MRPS12: variants seen among roughly 807,000 people sequenced by gnomAD.
MRPS12 encodes mitochondrial ribosomal protein S12, also known as small ribosomal subunit protein uS12m.
Under a neutral mutation model 8.4 loss-of-function variants are expected in MRPS12, and 7 were observed. That is an observed-to-expected ratio of 0.83 (90% CI 0.47 to 1.56). The LOEUF (loss-of-function observed/expected upper bound fraction) is 1.56, where lower values mean the gene tolerates loss of function less well. Ranked by LOEUF, MRPS12 falls within the 40% of genes most tolerant of loss-of-function variation. MRPS12 has a pLI of 0.01. For synonymous variants in MRPS12, 84 were observed against 84.1 expected, an observed-to-expected ratio of 1.00 and a Z score of 0.01; for missense variants, 200 against 194.1, an observed-to-expected ratio of 1.03 and a Z score of -0.18.
At position 38,932,355 on chromosome 19, in the gene MRPS12, C is replaced by T. The variant is rs1974770122; in HGVS notation, c.72C>T (p.Leu24=). 1.3e-6 allele frequency: 2 copies of T among 1,547,808 alleles called. No homozygotes were observed. Among genetic ancestry groups the T allele is most frequent in the East Asian group, 2.3e-5 (1 of 44,056 alleles). ...LTCGPALVPR[L]WATCSMATLN... The stretch of plus-strand genomic sequence containing the variant: ...CAGGCCCAGCTCTGGTTCCCCGGCT[C>T]TGGGCTACCTGCTCCATGGCTACCC... Residue 24 remains leucine (L), a synonymous_variant, in exon 3 of 3, where the codon CTC becomes CTT. Coordinates refer to ENST00000308018, the MANE Select transcript of MRPS12 (RefSeq NM_033362.4).
chr19:38,932,620 G>A lies in MRPS12; in HGVS notation c.337G>A (p.Gly113Ser), dbSNP rs1322391300. The change falls in exon 3 of 3, where the codon GGC becomes AGC. Residue 113 changes from glycine (G) to serine (S), a missense_variant. Coordinates refer to ENST00000308018, the MANE Select transcript of MRPS12 (RefSeq NM_033362.4). ...QEHQIVLVEG[G>S]RTQDLPGVKL... ...GCACCAGATTGTCCTTGTGGAGGGC[G>A]GCCGCACCCAGGACCTGCCAGGCGT... The A allele has an allele frequency of 3.7e-6, 6 of 1,613,562 alleles. No homozygotes were observed. Among genetic ancestry groups the A allele is most frequent in the East Asian group, 2.2e-5 (1 of 44,892 alleles).
rs755000956 is a variant in MRPS12 at position 38,932,334 on chromosome 19, C to T, written c.51C>T (p.Gly17=). ...LHGLNTSLTC[G]PALVPRLWAT... Reference sequence around the variant, plus strand: ...ATAACCCCTTTCGGCCCTCTCCAGGCCCAGCTCTGGTTCCCCGGCTCTGGG... The same window carrying T: ...ATAACCCCTTTCGGCCCTCTCCAGGTCCAGCTCTGGTTCCCCGGCTCTGGG... Residue 17 remains glycine, a splice_region_variant and synonymous_variant, in exon 3 of 3, where the codon GGC becomes GGT. Transcript: ENST00000308018. 7 of 1,527,210 alleles carry T rather than the reference C, an allele frequency of 4.6e-6. No homozygotes were observed. The highest frequency in any genetic ancestry group is 6.2e-6 in the Non-Finnish European group (7 of 1,136,730). 94.6% of individuals were successfully genotyped at this position (1,527,210 alleles called of 1,614,324 possible).
chr19:38,931,014 G>T lies in MRPS12; in HGVS notation c.-20+16G>T. 1 of 595,244 alleles carries T rather than the reference G, an allele frequency of 1.7e-6. No homozygotes were observed. 36.9% of individuals were successfully genotyped at this position (595,244 alleles called of 1,614,324 possible). On this transcript the variant is annotated intron_variant, in intron 1 of 2. Transcript: ENST00000308018. ...GTCCTGTGAGGTCGGTGGAATCCTG[G>T]GGTCCTCCAAATCTACCAGGCCATC...
In MRPS12 at chr19:38,932,531, T is replaced by C. The variant is rs775835776; in HGVS notation, c.248T>C (p.Val83Ala). The change falls in exon 3 of 3, where the codon GTG (valine) becomes GCG (alanine). Residue 83 changes from valine to alanine, a missense_variant. Physicochemically the swap from Val to Ala is moderately conservative, Grantham distance 64 (BLOSUM62 0). Coordinates refer to ENST00000308018, the MANE Select transcript of MRPS12 (RefSeq NM_033362.4). ...PNSANRKCCR[V>A]RLSTGREAVC... ...TCAGCCAATCGCAAGTGCTGTCGAG[T>C]GCGGCTCAGCACTGGCCGCGAGGCC... 3.1e-6 allele frequency: 5 copies of C among 1,612,894 alleles called. 1 individual carries two copies. Among genetic ancestry groups the C allele is most frequent in the Middle Eastern group, 3.3e-4 (2 of 6,060 alleles).
intron 2 of MRPS12, 63 bp downstream of exon 2, chr19:38,931,406 T>C: frequency 6.9e-7 from 1 of 1,448,886 alleles, no homozygotes; most frequent in South Asian, 1.4e-5. Context: ...GCTCTTGGAC[T>C]TGTGTGCCTC....
At chr19:38,931,162 A>T (rs1974740502) in intron 1 of MRPS12, 114 bp from the exon 2 acceptor site, 3 of 825,196 alleles carry the variant, frequency 3.6e-6, no homozygotes, top group East Asian at 5.0e-5. Context: ...CTGTGGTTAG[A>T]CCTATAGAGG....
Position 38,932,789 on chromosome 19 carries a change from C to T in MRPS12, c.*89C>T, listed in dbSNP as rs891450167. On this transcript the variant is annotated 3_prime_UTR_variant, in exon 3 of 3. Coordinates refer to ENST00000308018, the MANE Select transcript of MRPS12 (RefSeq NM_033362.4). The stretch of plus-strand genomic sequence containing the variant: ...CAGGGTCCTCCGATGCTGGCCTTTG[C>T]GCCTCTAGAGGCAGCCACTCATGGA... 32 of 1,522,292 alleles carry T rather than the reference C, an allele frequency of 2.1e-5. No homozygotes were observed. The highest frequency in any genetic ancestry group is 4.1e-5 in the African/African-American group (3 of 73,100). 94.3% of individuals were successfully genotyped at this position (1,522,292 alleles called of 1,614,324 possible).
chr19:38,933,077 TCA>T lies in MRPS12; in HGVS notation c.*378_*379del, dbSNP rs1176051037. 1 of 193,922 alleles carries T rather than the reference TCA, an allele frequency of 5.2e-6. No individual in the cohort carries two copies. The highest frequency in any genetic ancestry group is 1.1e-5 in the Non-Finnish European group (1 of 93,690). The allele number at this position is 193,922 out of a possible 1,614,324, so 12.0% of individuals were successfully genotyped here. On this transcript the variant is annotated 3_prime_UTR_variant, in exon 3 of 3. Coordinates refer to ENST00000308018, the MANE Select transcript of MRPS12 (RefSeq NM_033362.4). ...CTGTGGCAGTGGACATCTCTGAGCT[TCA>T]GTTTCCTCCAGAAAATAGCTCCATT...
At chr19:38,931,368 G>A in intron 2 of MRPS12, 25 bp downstream of exon 2, 1 of 1,572,820 alleles carries the variant, frequency 6.4e-7, no homozygotes. Context: ...TGGGCTTCAG[G>A]GACGAGGCTA....
rs1385821833 is a variant in MRPS12, at chr19:38,933,007, G to A, written c.*307G>A. 4 of 322,450 alleles carry A rather than the reference G, an allele frequency of 1.2e-5. No homozygotes were observed. Among genetic ancestry groups the A allele is most frequent in the South Asian group, 4.7e-5 (1 of 21,388 alleles). The allele number at this position is 322,450 out of a possible 1,614,324, so 20.0% of individuals were successfully genotyped here. A position where few individuals can be genotyped will look rare whatever the true frequency, so the allele number is the denominator to read the frequency against. On this transcript the variant is annotated 3_prime_UTR_variant, in exon 3 of 3. Coordinates refer to ENST00000308018, the MANE Select transcript of MRPS12 (RefSeq NM_033362.4). ...GGGGTTTTAATAAACAGACCCTGGC[G>A]CTTGTGATGTAAATCCCCTTGTGGA... is the stretch of plus-strand genomic sequence containing the variant.
chr19:38,932,516 G>C lies in MRPS12; in HGVS notation c.233G>C (p.Arg78Pro). 1.9e-6 allele frequency: 3 copies of C among 1,612,970 alleles called. No homozygotes were observed. Among genetic ancestry groups the C allele is most frequent in the Non-Finnish European group, 2.5e-6 (3 of 1,179,258 alleles). ...RKPKKPNSANRKCCRVRLSTG... is the reference protein window; with the variant it reads ...RKPKKPNSANPKCCRVRLSTG... ...CCGAAGAAGCCCAACTCAGCCAATC[G>C]CAAGTGCTGTCGAGTGCGGCTCAGC... Residue 78 changes from arginine to proline, a missense_variant, in exon 3 of 3, where the codon CGC becomes CCC. Physicochemically the swap from Arg to Pro is moderately radical, Grantham distance 103 (BLOSUM62 -2). Transcript: ENST00000308018.
At chr19:38,931,545 G>A (rs61144356) in intron 2 of MRPS12, 2 of 436,806 alleles carry the variant, frequency 4.6e-6, no homozygotes, top group Non-Finnish European at 8.1e-6. Flanking sequence ...GTTTGGGTCA[G>A]TTTTATTATT....
chr19:38,932,797 G>C lies in MRPS12; in HGVS notation c.*97G>C. The C allele has an allele frequency of 1.3e-6, 2 of 1,494,158 alleles. No individual in the cohort carries two copies. Among genetic ancestry groups the C allele is most frequent in the South Asian group, 2.5e-5 (2 of 78,560 alleles). 92.6% of individuals were successfully genotyped at this position (1,494,158 alleles called of 1,614,324 possible). On this transcript the variant is annotated 3_prime_UTR_variant, in exon 3 of 3. Transcript: ENST00000308018. ...TCCGATGCTGGCCTTTGCGCCTCTA[G>C]AGGCAGCCACTCATGGATTCAAGTC...
rs887444814 is a variant in MRPS12 at position 38,930,973 on chromosome 19, G to A, written c.-45G>A. The A allele has an allele frequency of 2.9e-5, 18 of 611,734 alleles. No homozygotes were observed. Among genetic ancestry groups the A allele is most frequent in the South Asian group, 5.8e-5 (3 of 51,472 alleles). 37.9% of individuals were successfully genotyped at this position (611,734 alleles called of 1,614,324 possible). A position where few individuals can be genotyped will look rare whatever the true frequency, so the allele number is the denominator to read the frequency against. Reference sequence around the variant, plus strand: ...GCTAGAAGCTGGATTCAGCGTGTCCGCGACCTCACCTTTAGGTCCTGTGAG... The same window carrying A: ...GCTAGAAGCTGGATTCAGCGTGTCCACGACCTCACCTTTAGGTCCTGTGAG... On this transcript the variant is annotated 5_prime_UTR_variant, in exon 1 of 3. Transcript: ENST00000308018.
rs761146514 is a variant in MRPS12, at chr19:38,932,423, G to A, written c.140G>A (p.Arg47Gln). Residue 47 changes from arginine to glutamine, a missense_variant, in exon 3 of 3, where the codon CGG becomes CAG. Coordinates refer to ENST00000308018, the MANE Select transcript of MRPS12 (RefSeq NM_033362.4). Reference protein sequence around the residue: ...HRLGPPKRPPRKLGPTEGRPQ... With the variant: ...HRLGPPKRPPQKLGPTEGRPQ... Reference sequence around the variant, plus strand: ...CTGGGGCCCCCCAAGCGGCCGCCTCGGAAGCTGGGCCCCACGGAAGGCCGG... The same window carrying A: ...CTGGGGCCCCCCAAGCGGCCGCCTCAGAAGCTGGGCCCCACGGAAGGCCGG... 9 of 1,610,286 alleles carry A rather than the reference G, an allele frequency of 5.6e-6. No individual in the cohort carries two copies. Among genetic ancestry groups the A allele is most frequent in the South Asian group, 1.1e-5 (1 of 90,976 alleles).
In MRPS12 at chr19:38,932,813, G is replaced by C; in HGVS notation, c.*113G>C. 1 of 1,427,462 alleles carries C rather than the reference G, an allele frequency of 7.0e-7. No homozygotes were observed. The allele number at this position is 1,427,462 out of a possible 1,614,324, so 88.4% of individuals were successfully genotyped here. A position where few individuals can be genotyped will look rare whatever the true frequency, so the allele number is the denominator to read the frequency against. Reference sequence around the variant, plus strand: ...GCGCCTCTAGAGGCAGCCACTCATGGATTCAAGTCCTGGCTCCGCCTCTTC... The same window carrying C: ...GCGCCTCTAGAGGCAGCCACTCATGCATTCAAGTCCTGGCTCCGCCTCTTC... On this transcript the variant is annotated 3_prime_UTR_variant, in exon 3 of 3. Coordinates refer to ENST00000308018, the MANE Select transcript of MRPS12 (RefSeq NM_033362.4).
chr19:38,932,411 A>T lies in MRPS12; in HGVS notation c.128A>T (p.Lys43Met). 1 of 1,607,946 alleles carries T rather than the reference A, an allele frequency of 6.2e-7. No homozygotes were observed. The highest frequency in any genetic ancestry group is 8.5e-7 in the Non-Finnish European group (1 of 1,176,274). Reference sequence around the variant, plus strand: ...CAGATGCACCGCCTGGGGCCCCCCAAGCGGCCGCCTCGGAAGCTGGGCCCC... The same window carrying T: ...CAGATGCACCGCCTGGGGCCCCCCATGCGGCCGCCTCGGAAGCTGGGCCCC... ...LNQMHRLGPPKRPPRKLGPTE... is the reference protein window; with the variant it reads ...LNQMHRLGPPMRPPRKLGPTE... Residue 43 changes from lysine to methionine, a missense_variant, in exon 3 of 3, where the codon AAG becomes ATG. By Grantham distance (95) the Lys-to-Met change is moderately conservative. Coordinates refer to ENST00000308018, the MANE Select transcript of MRPS12 (RefSeq NM_033362.4).
Position 38,932,487 on chromosome 19 carries a change from C to G in MRPS12, c.204C>G (p.Arg68=), listed in dbSNP as rs1482222101. ...LKGVVLCTFT[R]KPKKPNSANR... ...GTGTGGTCCTGTGCACGTTTACCCG[C>G]AAGCCGAAGAAGCCCAACTCAGCCA... Residue 68 remains arginine, a synonymous_variant, in exon 3 of 3, where the codon CGC becomes CGG. Transcript: ENST00000308018. 6.2e-7 allele frequency: 1 copy of G among 1,613,200 alleles called. No individual in the cohort carries two copies. The highest frequency in any genetic ancestry group is 1.1e-5 in the South Asian group (1 of 91,064).
rs1430933120 is a variant in MRPS12 at position 38,931,353 on chromosome 19, G to C, written c.49+10G>C. 1.9e-6 allele frequency: 3 copies of C among 1,585,222 alleles called. No individual in the cohort carries two copies. Among genetic ancestry groups the C allele is most frequent in the Non-Finnish European group, 2.6e-6 (3 of 1,166,226 alleles). On this transcript the variant is annotated intron_variant, in intron 2 of 2. Transcript: ENST00000308018. ...ACGTCCCTAACTTGTGGTAAGTGGG[G>C]GACTTGGGCTTCAGGGACGAGGCTA...
Sources: gnomAD v4.1 joint callset for allele counts on GRCh38, gnomAD v4.1.1 for gene constraint, MANE v1.5 for transcripts, NCBI Gene and HGNC (gene_info 2026-07-23, HGNC 2026-07-21) for gene names.